Variants in PVT1 observed in about 807,000 individuals in gnomAD.
PVT1 encodes CXCR4/PVT1 fusion.
At chr8:128,052,237 G>T (rs1813707291) in intron 4 of PVT1, among the ~76,000 whole-genome samples, 1 of 152,094 alleles carries the variant, frequency 6.6e-6, no homozygotes, top group South Asian at 2.1e-4. Flanking sequence ...CTGAGATACA[G>T]TGGGATGGCT....
intron 4 of PVT1, among the ~76,000 whole-genome samples, chr8:128,041,367 TTGTG>T (rs1260905982): frequency 2.6e-5 from 4 of 151,094 alleles, no homozygotes; most frequent in East Asian, 2.0e-4. Context: ...CATGTGTTGT[TTGTG>T]TTTGTGTGCA....
chr8:127,815,205 G>A (rs1391074354), intron 2 of PVT1, among the ~76,000 whole-genome samples: 1 of 152,198 alleles, frequency 6.6e-6, no homozygotes, highest in Admixed American at 6.5e-5. Context: ...GACCTCAGGT[G>A]ATCCACCCTC....
intron 3 of PVT1, among the ~76,000 whole-genome samples, chr8:127,983,453 C>T (rs1467970968): frequency 6.6e-6 from 1 of 151,958 alleles, no homozygotes; most frequent in Non-Finnish European, 1.5e-5. Context: ...TGATTCTCGC[C>T]CTCTTGTTCT....
chr8:128,086,616 T>G (rs1053383605), intron 5 of PVT1, among the ~76,000 whole-genome samples: 2 of 152,266 alleles, frequency 1.3e-5, no homozygotes, highest in Non-Finnish European at 2.9e-5. Context: ...ACAGCTGTCT[T>G]GTCAGCTTTA....
chr8:127,985,451 T>TA (rs1194301173), intron 3 of PVT1, among the ~76,000 whole-genome samples: 1 of 150,674 alleles, frequency 6.6e-6, no homozygotes. Flanking sequence ...TTTTTTTTTT[T>TA]AATCCTCGAT....
intron 4 of PVT1, among the ~76,000 whole-genome samples, chr8:128,018,764 C>T (rs547656608): frequency 4.7e-4 from 44 of 92,964 alleles, no homozygotes; most frequent in Middle Eastern, 4.9e-3. Context: ...GAAAATCTTG[C>T]GTCCTCAGGA....
intron 2 of PVT1, among the ~76,000 whole-genome samples, chr8:127,805,205 C>T (rs1440327156): frequency 6.6e-6 from 1 of 152,082 alleles, no homozygotes; most frequent in Non-Finnish European, 1.5e-5. Context: ...GCTGGGATTA[C>T]AGGAGTGAGC....
At chr8:127,974,451 C>G (rs888884049) in intron 3 of PVT1, among the ~76,000 whole-genome samples, 2 of 152,144 alleles carry the variant, frequency 1.3e-5, no homozygotes, top group African/African-American at 4.8e-5. Context: ...GAGTCTCACT[C>G]TCACCCAGGC....
intron 3 of PVT1, among the ~76,000 whole-genome samples, chr8:127,897,158 C>G (rs916176517): frequency 2.0e-5 from 3 of 152,192 alleles, no homozygotes; most frequent in Admixed American, 2.0e-4. Flanking sequence ...AACCCCGTTA[C>G]CCCTGAGCGA....
intron 4 of PVT1, among the ~76,000 whole-genome samples, chr8:128,055,447 C>G (rs1450747159): frequency 2.6e-5 from 4 of 152,162 alleles, no homozygotes; most frequent in African/African-American, 9.7e-5. Flanking sequence ...AAACACTAAA[C>G]AAGACAATGA....
At chr8:127,863,337 C>T (rs1758962780) in intron 2 of PVT1, among the ~76,000 whole-genome samples, 1 of 152,136 alleles carries the variant, frequency 6.6e-6, no homozygotes, top group Non-Finnish European at 1.5e-5. Context: ...GTCTCGAACT[C>T]CTGATCTCAT....
intron 2 of PVT1, among the ~76,000 whole-genome samples, chr8:127,838,478 G>A (rs1814933136): frequency 6.6e-6 from 1 of 152,114 alleles, no homozygotes; most frequent in Non-Finnish European, 1.5e-5. Flanking sequence ...GCTGAGGCGA[G>A]TGGATTACCT....
At chr8:128,022,059 A>G (rs544474304) in intron 4 of PVT1, among the ~76,000 whole-genome samples, 1 of 152,294 alleles carries the variant, frequency 6.6e-6, no homozygotes, top group Admixed American at 6.5e-5. Flanking sequence ...CCCAAAAATA[A>G]AGAAAAGTCA....
chr8:128,071,424 G>A (rs1457442331), intron 5 of PVT1, among the ~76,000 whole-genome samples: 2 of 152,038 alleles, frequency 1.3e-5, no homozygotes, highest in African/African-American at 2.4e-5. Flanking sequence ...GGTCATGCCT[G>A]TAATCCCAGA....
intron 3 of PVT1, among the ~76,000 whole-genome samples, chr8:127,931,764 G>T (rs186870831): frequency 8.5e-5 from 13 of 152,344 alleles, no homozygotes; most frequent in Admixed American, 8.5e-4. Context: ...CAGAACTCCC[G>T]TCCAGACCTC....
intron 5 of PVT1, among the ~76,000 whole-genome samples, chr8:128,080,845 T>C (rs1412486796): frequency 6.6e-6 from 1 of 152,250 alleles, no homozygotes; most frequent in Admixed American, 6.5e-5. Context: ...TCGTTTTAAA[T>C]TTACTTTTAG....
At chr8:127,858,450 A>ATAAATAAG (rs59128799) in intron 2 of PVT1, among the ~76,000 whole-genome samples, 2 of 149,812 alleles carry the variant, frequency 1.3e-5, no homozygotes, top group Non-Finnish European at 2.9e-5. Flanking sequence ...AAATAAATAA[A>ATAAATAAG]AGATGGTCTT....
intron 3 of PVT1, among the ~76,000 whole-genome samples, chr8:127,891,993 G>A (rs1190085896): frequency 6.6e-6 from 1 of 152,224 alleles, no homozygotes; most frequent in East Asian, 1.9e-4. Flanking sequence ...TGAGCGATGA[G>A]TGGTGCCAAG....
intron 3 of PVT1, among the ~76,000 whole-genome samples, chr8:127,982,735 C>A (rs4733585): frequency 0.83 from 126,670 of 151,874 alleles, 52,894 homozygotes; most frequent in South Asian, 0.9. Flanking sequence ...CTTTTTGAAT[C>A]AGTAAAGCAT....
Sources: gnomAD v4.1 joint callset for allele counts (sites outside exome capture counted in the v4.1 genomes callset) on GRCh38, gnomAD v4.1.1 for gene constraint, MANE v1.5 for transcripts, NCBI Gene and HGNC (gene_info 2026-07-23, HGNC 2026-07-21) for gene names.